The following ATL2 variants were observed in gnomAD, a reference collection of about 807,000 sequenced individuals.
ATL2 encodes the protein atlastin-2.
In ATL2, 31 loss-of-function variants were observed where a neutral mutation model predicts 73.9. That is an observed-to-expected ratio of 0.42 (90% CI 0.32 to 0.57). The LOEUF is 0.57. Among genes scored for constraint, ATL2 ranks in the 20% least tolerant of loss-of-function variants. ATL2 has a pLI of 0.14. For missense variants in ATL2, 738 were observed against 702.6 expected (o/e 1.05, Z -0.57); for synonymous variants, 291 against 237.5 (o/e 1.23, Z -2.07).
At chr2:38,319,254 A>C (rs1014479181) in intron 2 of ATL2, among the ~76,000 whole-genome samples, 14 of 151,690 alleles carry the variant, frequency 9.2e-5, no homozygotes, top group Admixed American at 6.6e-4. Flanking sequence ...TCACACTACT[A>C]CTCTCTAGGC....
At chr2:38,344,398 T>G (rs569502912) in intron 1 of ATL2, among the ~76,000 whole-genome samples, 2 of 152,092 alleles carry the variant, frequency 1.3e-5, no homozygotes, top group Non-Finnish European at 2.9e-5. Context: ...TCACCTGAGG[T>G]CAGGAGTTCA....
intron 1 of ATL2, among the ~76,000 whole-genome samples, chr2:38,345,836 AC>A (rs1246503971): frequency 6.6e-6 from 1 of 152,222 alleles, no homozygotes; most frequent in Non-Finnish European, 1.5e-5. Context: ...ACTTCTCTGC[AC>A]CTGTTTTCTC....
chr2:38,353,138 A>G (rs1670454915), intron 1 of ATL2, among the ~76,000 whole-genome samples: 1 of 152,252 alleles, frequency 6.6e-6, no homozygotes, highest in South Asian at 2.1e-4. Context: ...GCCATGACCC[A>G]GATGCTGAAT....
intron 2 of ATL2, among the ~76,000 whole-genome samples, chr2:38,323,309 A>C (rs1336260373): frequency 6.6e-6 from 1 of 151,962 alleles, no homozygotes; most frequent in African/African-American, 2.4e-5. Context: ...TATTTATAGA[A>C]TAAAACTCAA....
At chr2:38,358,699 A>AC (rs1670828795) in intron 1 of ATL2, 1 of 165,032 alleles carries the variant, frequency 6.1e-6, no homozygotes, top group Non-Finnish European at 1.3e-5. Flanking sequence ...CTGAAAAAAA[A>AC]AAAAAATTAT....
intron 1 of ATL2, among the ~76,000 whole-genome samples, chr2:38,360,810 G>C (rs1431035644): frequency 1.3e-5 from 2 of 151,916 alleles, no homozygotes; most frequent in African/African-American, 4.8e-5. Context: ...ACACAATATT[G>C]AAACTTTCTT....
chr2:38,349,385 A>T (rs1176377853), intron 1 of ATL2, among the ~76,000 whole-genome samples: 1 of 151,624 alleles, frequency 6.6e-6, no homozygotes, highest in African/African-American at 2.4e-5. Flanking sequence ...GACATGGATG[A>T]AATTGGAAAT....
intron 8 of ATL2, 109 bp downstream of exon 8, chr2:38,310,200 A>G: frequency 1.6e-6 from 2 of 1,275,062 alleles, no homozygotes; most frequent in Non-Finnish European, 2.2e-6. Flanking sequence ...CAATGCATCC[A>G]AACATTCTCC....
chr2:38,337,478 T>A, intron 2 of ATL2, among the ~76,000 whole-genome samples: 1 of 58,004 alleles, frequency 1.7e-5, no homozygotes. Flanking sequence ...AGAACAAGAC[T>A]CTGTCTCCAA....
intron 2 of ATL2, among the ~76,000 whole-genome samples, chr2:38,339,844 C>T (rs1446281057): frequency 6.6e-6 from 1 of 152,078 alleles, no homozygotes; most frequent in Non-Finnish European, 1.5e-5. Flanking sequence ...GTGCATGCCA[C>T]CGCGCCCAGC....
chr2:38,325,377 T>C (rs961036862), intron 2 of ATL2, among the ~76,000 whole-genome samples: 4 of 151,988 alleles, frequency 2.6e-5, no homozygotes, highest in Non-Finnish European at 5.9e-5. Context: ...CAGCAACTGG[T>C]AGGAACACTT....
Position 38,299,178 on chromosome 2 carries a change from A to G in ATL2, c.1200+78T>C. 3.0e-6 allele frequency: 4 copies of G among 1,341,918 alleles called. No homozygotes were observed. In the South Asian group the frequency reaches 7.1e-5, roughly 24 times the overall value. 83.1% of individuals were successfully genotyped at this position (1,341,918 alleles called of 1,614,324 possible). On this transcript the variant is annotated intron_variant, in intron 11 of 12. Transcript: ENST00000378954. The stretch of plus-strand genomic sequence containing the variant: ...CTGCACAAATTCGCTCAATTATTTA[A>G]AAAATTTTTTTAATTTTTTTTTTTT...
chr2:38,309,520 A>T lies in ATL2; in HGVS notation c.944-14T>A, dbSNP rs774703380. 93 of 1,605,520 alleles carry T rather than the reference A, an allele frequency of 5.8e-5. 1 individual carries two copies. In the South Asian group the frequency reaches 9.9e-4, roughly 17 times the overall value. The stretch of plus-strand genomic sequence containing the variant: ...CTTCATCAATATCTAGAAAACAAAA[A>T]ATTGAGCAACATATTAGTCCAAAAA... On this transcript the variant is annotated splice_polypyrimidine_tract_variant and intron_variant, in intron 8 of 12. Coordinates refer to ENST00000378954, the MANE Select transcript of ATL2 (RefSeq NM_001135673.4).
At chr2:38,296,457 A>G in intron 12 of ATL2, 1 of 1,581,200 alleles carries the variant, frequency 6.3e-7, no homozygotes, top group Non-Finnish European at 8.6e-7. Flanking sequence ...AACACTTCAG[A>G]TAGAGAAAAA....
intron 9 of ATL2, among the ~76,000 whole-genome samples, chr2:38,303,552 T>G (rs531870784): frequency 6.6e-5 from 10 of 151,996 alleles, no homozygotes; most frequent in African/African-American, 2.4e-4. Flanking sequence ...GACAGGCTAT[T>G]TGAAAATACA....
At chr2:38,356,588 A>G (rs1457169563) in intron 1 of ATL2, among the ~76,000 whole-genome samples, 1 of 152,220 alleles carries the variant, frequency 6.6e-6, no homozygotes, top group Non-Finnish European at 1.5e-5. Flanking sequence ...AGAAACACAT[A>G]ATCATTTAAT....
intron 4 of ATL2, 163 bp downstream of exon 4, chr2:38,318,372 G>T (rs181446217): frequency 4.6e-6 from 2 of 432,006 alleles, no homozygotes. Flanking sequence ...TCAGCTACTC[G>T]GGTTAGGAGA....
In ATL2 at chr2:38,310,486, G is replaced by C. The variant is rs190242889; in HGVS notation, c.805-39C>G. Reference sequence around the variant, plus strand: ...GAGACAGGTGAAATTGTAAACAGAAGAAAGAAAATTTTTTTAAAGAAAATG... The same window carrying C: ...GAGACAGGTGAAATTGTAAACAGAACAAAGAAAATTTTTTTAAAGAAAATG... On this transcript the variant is annotated intron_variant, in intron 7 of 12. Transcript: ENST00000378954. The C allele has an allele frequency of 8.6e-4, 1,337 of 1,552,964 alleles. 1 individual carries two copies. Among genetic ancestry groups the C allele is most frequent in the Non-Finnish European group, 9.3e-4 (1,068 of 1,151,498 alleles).
intron 2 of ATL2, among the ~76,000 whole-genome samples, chr2:38,334,596 G>A (rs1423696660): frequency 6.6e-6 from 1 of 151,244 alleles, no homozygotes; most frequent in Non-Finnish European, 1.5e-5. Context: ...TACTCAGGAG[G>A]CTGTGGCAGG....
Sources: gnomAD v4.1 joint callset for allele counts (sites outside exome capture counted in the v4.1 genomes callset) on GRCh38, gnomAD v4.1.1 for gene constraint, MANE v1.5 for transcripts, NCBI Gene and HGNC (gene_info 2026-07-23, HGNC 2026-07-21) for gene names.